Variants in CNIH3 observed in about 807,000 individuals in gnomAD.
CNIH3 encodes the protein cornichon family AMPA receptor auxiliary protein 3, also known as protein cornichon homolog 3.
A neutral mutation model predicts 24.1 loss-of-function variants in CNIH3; 14 were observed. The ratio of observed to expected loss-of-function variants is 0.58; its 90% CI spans 0.38 to 0.91. The LOEUF (loss-of-function observed/expected upper bound fraction) is 0.91. Ranked by LOEUF, CNIH3 falls within the 40% of genes least tolerant of loss-of-function variation. CNIH3 has a pLI of 0.00. For synonymous variants in CNIH3, 68 were observed against 73.8 expected (o/e 0.92, Z 0.40); for missense variants, 178 against 196.8 (o/e 0.90, Z 0.57).
intron 1 of CNIH3, among the ~76,000 whole-genome samples, chr1:224,647,822 C>T (rs924493880): frequency 6.6e-6 from 1 of 152,030 alleles, no homozygotes; most frequent in Non-Finnish European, 1.5e-5. Context: ...GGCACAGGGG[C>T]CCTGGTGTAA....
At chr1:224,729,951 C>T (rs1482781846) in intron 3 of CNIH3, among the ~76,000 whole-genome samples, 1 of 152,176 alleles carries the variant, frequency 6.6e-6, no homozygotes, top group Non-Finnish European at 1.5e-5. Flanking sequence ...ATGCCACTGC[C>T]TTCTGAGGCT....
intron 1 of CNIH3, among the ~76,000 whole-genome samples, chr1:224,642,984 G>A (rs1416784711): frequency 6.6e-6 from 1 of 152,148 alleles, no homozygotes; most frequent in African/African-American, 2.4e-5. Context: ...AGGCCAAGGT[G>A]TGGTTCTCCT....
downstream of CNIH3, among the ~76,000 whole-genome samples, chr1:224,593,552 T>C (rs1003482290): frequency 9.2e-5 from 14 of 152,216 alleles, no homozygotes; most frequent in Admixed American, 6.5e-5. Flanking sequence ...TCTGTTGACA[T>C]TGAATGTTCT....
chr1:224,716,779 C>T (rs1380968290), intron 3 of CNIH3, among the ~76,000 whole-genome samples: 1 of 152,078 alleles, frequency 6.6e-6, no homozygotes, highest in Non-Finnish European at 1.5e-5. Flanking sequence ...CCTCTCTTGC[C>T]CTCCTCTGCT....
rs1687644531 is a variant in CNIH3 at position 224,704,019 on chromosome 1, A to T, written c.198+19176A>T. Among the ~76,000 whole-genome samples, 1 of 149,716 alleles carries T rather than the reference A, an allele frequency of 6.7e-6. No homozygotes were observed. The highest frequency in any genetic ancestry group is 1.5e-5 in the Non-Finnish European group (1 of 68,034). ...GTTTCATTGGATTGGATTCTGTAAT[A>T]CATCTCTCAGAGGTGCGCCTTTGGT... On this transcript the variant is annotated intron_variant, in intron 3 of 5. Transcript: ENST00000272133. This position sits in a 1 kb window ranked among gnomAD's most constrained non-coding sequence, Gnocchi z 4.2.
intron 1 of CNIH3, among the ~76,000 whole-genome samples, chr1:224,631,415 G>T (rs1192418543): frequency 1.3e-5 from 2 of 152,218 alleles, no homozygotes; most frequent in South Asian, 2.1e-4. Flanking sequence ...CAACCTGGCT[G>T]GTTCAGAAGT....
rs960821885 is a variant in CNIH3 at position 224,668,546 on chromosome 1, G to A, written c.82-12412G>A. 5.9e-5 allele frequency among the ~76,000 whole-genome samples: 9 copies of A among 152,160 alleles called. No individual in the cohort carries two copies. In the East Asian group the frequency reaches 1.7e-3, roughly 29 times the overall value. ...ATCTTCTTGGAAGATACTTTGGGGAGCCTTTCTGATGCACATCCACACTTG... is the reference window on the plus strand; with the variant it reads ...ATCTTCTTGGAAGATACTTTGGGGAACCTTTCTGATGCACATCCACACTTG... On this transcript the variant is annotated intron_variant, in intron 1 of 5. Transcript: ENST00000272133.
chr1:224,509,692 A>G (rs1394752663), intron 1 of CNIH3, among the ~76,000 whole-genome samples: 1 of 152,188 alleles, frequency 6.6e-6, no homozygotes, highest in East Asian at 1.9e-4. Context: ...CTTGGCTACA[A>G]GATTAATCCA....
At chr1:224,546,076 C>T (rs1679693906) in intron 2 of CNIH3, among the ~76,000 whole-genome samples, 1 of 152,112 alleles carries the variant, frequency 6.6e-6, no homozygotes, top group Non-Finnish European at 1.5e-5. Flanking sequence ...AACTTAATTA[C>T]CTCTTTAAAT....
chr1:224,512,782 T>A (rs1298406128), upstream of CNIH3, among the ~76,000 whole-genome samples: 2 of 150,926 alleles, frequency 1.3e-5, no homozygotes, highest in Non-Finnish European at 3.0e-5. Context: ...GTGCCCTCCC[T>A]GTTCATGTGT....
chr1:224,595,680 T>C (rs1012541247), intron 3 of CNIH3, among the ~76,000 whole-genome samples: 2 of 152,200 alleles, frequency 1.3e-5, no homozygotes, highest in African/African-American at 4.8e-5. Flanking sequence ...AGGCCTCTTG[T>C]CAGTTAGCCA....
intron 4 of CNIH3, 101 bp from the exon 5 acceptor site, chr1:224,734,462 G>C (rs1689492499): frequency 1.6e-6 from 2 of 1,212,188 alleles, no homozygotes; most frequent in East Asian, 4.8e-5. Context: ...GCAATTGCTT[G>C]GCAGGGATTG....
chr1:224,739,408 G>C lies in CNIH3; in HGVS notation c.*52G>C. The C allele has an allele frequency of 6.3e-7, 1 of 1,591,826 alleles. No homozygotes were observed. Among genetic ancestry groups the C allele is most frequent in the Non-Finnish European group, 8.5e-7 (1 of 1,174,016 alleles). On this transcript the variant is annotated 3_prime_UTR_variant, in exon 6 of 6. Transcript: ENST00000272133. ...ACTGAGATGGGAGAGGCCTGAGACG[G>C]AGAGGTGCATTTCTGCTGGTGACTG...
At chr1:224,533,322 T>G (rs1572426375) in intron 2 of CNIH3, among the ~76,000 whole-genome samples, 1 of 141,478 alleles carries the variant, frequency 7.1e-6, no homozygotes, top group African/African-American at 2.7e-5. Flanking sequence ...GAGGCTGAGG[T>G]GGGAGGATCA....
chr1:224,630,752 C>T (rs1217350886), intron 1 of CNIH3, among the ~76,000 whole-genome samples: 2 of 152,160 alleles, frequency 1.3e-5, no homozygotes, highest in African/African-American at 2.4e-5. Context: ...TGGCCAAGGG[C>T]TCCCAACTCT....
At chr1:224,488,511 A>G (rs1677117497) in intron 1 of CNIH3, among the ~76,000 whole-genome samples, 2 of 151,444 alleles carry the variant, frequency 1.3e-5, no homozygotes, top group South Asian at 4.2e-4. Flanking sequence ...TGCATGCTGG[A>G]GTGCAGTGGC....
At chr1:224,561,108 A>G (rs1253481785) in intron 3 of CNIH3, among the ~76,000 whole-genome samples, 1 of 152,112 alleles carries the variant, frequency 6.6e-6, no homozygotes, top group Non-Finnish European at 1.5e-5. Context: ...AACTTTTACC[A>G]GTTTTTAATA....
At position 224,694,778 on chromosome 1, in the gene CNIH3, G is replaced by A. The variant is rs79771036; in HGVS notation, c.198+9935G>A. ...AATGGAATGAAATAATGAAATAAAGGCCTTTGCGGCAACTTGGATGGAACT... is the reference window on the plus strand; with the variant it reads ...AATGGAATGAAATAATGAAATAAAGACCTTTGCGGCAACTTGGATGGAACT... On this transcript the variant is annotated intron_variant, in intron 3 of 5. Transcript: ENST00000272133. Among the ~76,000 whole-genome samples the A allele has an allele frequency of 7.9e-3, 1,201 of 152,254 alleles. 15 individuals carry two copies. Among genetic ancestry groups the A allele is most frequent in the African/African-American group, 0.027 (1,133 of 41,556 alleles).
chr1:224,490,792 AT>A (rs1489688807), intron 1 of CNIH3, among the ~76,000 whole-genome samples: 1 of 152,216 alleles, frequency 6.6e-6, no homozygotes, highest in African/African-American at 2.4e-5. Context: ...GCAATGAATG[AT>A]TTGCGAATCG....
Sources: gnomAD v4.1 joint callset for allele counts (sites outside exome capture counted in the v4.1 genomes callset) on GRCh38, gnomAD v4.1.1 for gene constraint, Gnocchi (gnomAD v3.1) non-coding constraint, MANE v1.5 for transcripts, NCBI Gene and HGNC (gene_info 2026-07-23, HGNC 2026-07-21) for gene names.